PADI6: variants seen among roughly 807,000 people sequenced by gnomAD.
PADI6 encodes peptidyl arginine deiminase 6.
Under a neutral mutation model 78.2 loss-of-function variants are expected in PADI6, and 66 were observed. The observed-to-expected ratio is 0.84, with a 90% CI of 0.69 to 1.04. The LOEUF (loss-of-function observed/expected upper bound fraction) is 1.04. Ranked by LOEUF, PADI6 falls within the 50% of genes least tolerant of loss-of-function variation. The pLI is 0.00. For synonymous variants in PADI6, 397 were observed against 346.9 expected, an observed-to-expected ratio of 1.14 and a Z score of -1.60; for missense variants, 854 against 866.1, an observed-to-expected ratio of 0.99 and a Z score of 0.18.
chr1:17,396,816 A>G (rs541118163), intron 13 of PADI6, among the ~76,000 whole-genome samples: 1 of 152,348 alleles, frequency 6.6e-6, no homozygotes, highest in South Asian at 2.1e-4. Context: ...GGCACAGGCT[A>G]TTCCCCCTCA....
chr1:17,400,809 G>A (rs963660959), intron 15 of PADI6, among the ~76,000 whole-genome samples: 2 of 152,164 alleles, frequency 1.3e-5, no homozygotes, highest in African/African-American at 4.8e-5. Flanking sequence ...GATCAGCTCA[G>A]TGTGGTCCGG....
At chr1:17,385,880 A>G (rs1436263902) in intron 6 of PADI6, among the ~76,000 whole-genome samples, 6 of 152,208 alleles carry the variant, frequency 3.9e-5, no homozygotes, top group Admixed American at 3.9e-4. Context: ...GTCCAGCAGT[A>G]CATGGCAGGT....
chr1:17,380,011 C>CA (rs1220878656), intron 4 of PADI6, 24 bp downstream of exon 4: 1 of 1,611,940 alleles, frequency 6.2e-7, no homozygotes, highest in Non-Finnish European at 8.5e-7. Flanking sequence ...CAAAAGGGGG[C>CA]AGGGAAGGGG....
At chr1:17,373,866 G>T (rs530995606) in intron 2 of PADI6, among the ~76,000 whole-genome samples, 1 of 152,260 alleles carries the variant, frequency 6.6e-6, no homozygotes, top group Admixed American at 6.5e-5. Context: ...CCTAGAGTGG[G>T]ATAGACCCAG....
intron 3 of PADI6, among the ~76,000 whole-genome samples, chr1:17,375,866 C>T (rs1166115566): frequency 1.3e-5 from 2 of 152,150 alleles, no homozygotes; most frequent in Non-Finnish European, 2.9e-5. Flanking sequence ...TAGATCCTTT[C>T]TTATTCAAGA....
chr1:17,392,103 T>G lies in PADI6; in HGVS notation c.963-11T>G. ...AAAGCCTTCCCAGAACTGGCTTCTC[T>G]CCCATGGCAGGGAGCTGCAGCTGCA... On this transcript the variant is annotated splice_polypyrimidine_tract_variant and intron_variant, in intron 8 of 15. Coordinates refer to ENST00000619609, the MANE Select transcript of PADI6 (RefSeq NM_207421.4). 2 of 1,553,120 alleles carry G rather than the reference T, an allele frequency of 1.3e-6. No individual in the cohort carries two copies. Among genetic ancestry groups the G allele is most frequent in the Non-Finnish European group, 1.7e-6 (2 of 1,147,860 alleles).
chr1:17,398,967 T>C, intron 15 of PADI6, 120 bp downstream of exon 15: 1 of 1,107,318 alleles, frequency 9.0e-7, no homozygotes, highest in Non-Finnish European at 1.3e-6. Context: ...TATGAGGAAA[T>C]GGGAGGGAGA....
chr1:17,379,576 T>G (rs1472520058), intron 3 of PADI6, among the ~76,000 whole-genome samples: 1 of 152,154 alleles, frequency 6.6e-6, no homozygotes, highest in Non-Finnish European at 1.5e-5. Flanking sequence ...TTCCTATGTC[T>G]TGGAGCATAA....
At chr1:17,375,547 G>A in intron 3 of PADI6, 48 bp downstream of exon 3, 2 of 1,511,096 alleles carry the variant, frequency 1.3e-6, no homozygotes. Context: ...CACCGCTGGG[G>A]TTGGGGAAGG....
chr1:17,387,066 G>A (rs1009229590), intron 6 of PADI6, among the ~76,000 whole-genome samples: 38 of 152,168 alleles, frequency 2.5e-4, no homozygotes, highest in African/African-American at 6.0e-4. Flanking sequence ...CTGCCACATC[G>A]GGCACAGATA....
chr1:17,385,593 G>A (rs2075111918), intron 6 of PADI6, among the ~76,000 whole-genome samples: 1 of 152,148 alleles, frequency 6.6e-6, no homozygotes, highest in African/African-American at 2.4e-5. Flanking sequence ...AGGTGGTATA[G>A]AACCCAGGTT....
chr1:17,388,896 G>C lies in PADI6; in HGVS notation c.962+16G>C, dbSNP rs142592174. 1,228 of 1,600,642 alleles carry C rather than the reference G, an allele frequency of 7.7e-4. 20 individuals carry two copies. The South Asian group carries it at 0.013, about 17-fold the overall frequency. ...ACCTGTGCAGGTGAGAGACCATCAG[G>C]CTGACTGTGCCAGGCGGTTCTCATA... On this transcript the variant is annotated intron_variant, in intron 8 of 15. Coordinates refer to ENST00000619609, the MANE Select transcript of PADI6 (RefSeq NM_207421.4).
At position 17,388,835 on chromosome 1, in the gene PADI6, T is replaced by TCTTCATTCCCTGTAC. The variant is rs760210591; in HGVS notation, c.919_933dup (p.Phe307_Thr311dup). ...GTGGTGTTCCGGGTGGCTCCCTGTG[T>TCTTCATTCCCTGTAC]CTTCATTCCCTGTACCCAGGTGCCT... On this transcript the variant is annotated inframe_insertion, in exon 8 of 16. Coordinates refer to ENST00000619609, the MANE Select transcript of PADI6 (RefSeq NM_207421.4). The TCTTCATTCCCTGTAC allele has an allele frequency of 1.9e-6, 3 of 1,613,858 alleles. 1 individual carries two copies. In the South Asian group the frequency reaches 3.3e-5, roughly 18 times the overall value.
At chr1:17,391,126 C>T (rs1317957356) in intron 8 of PADI6, among the ~76,000 whole-genome samples, 10 of 152,184 alleles carry the variant, frequency 6.6e-5, no homozygotes, top group Admixed American at 3.3e-4. Context: ...GACCTGAAGC[C>T]GGACTACAGT....
At chr1:17,380,074 C>A in intron 4 of PADI6, 87 bp downstream of exon 4, 1 of 1,334,144 alleles carries the variant, frequency 7.5e-7, no homozygotes, top group Non-Finnish European at 1.1e-6. Context: ...TTCCTCGTGT[C>A]TAGCCCAATT....
At position 17,398,841 on chromosome 1, in the gene PADI6, TGA is replaced by T. The variant is rs1298457235; in HGVS notation, c.1846_1847del (p.Asp616ProfsTer47). 2 of 1,612,766 alleles carry T rather than the reference TGA, an allele frequency of 1.2e-6. No individual in the cohort carries two copies. The highest frequency in any genetic ancestry group is 1.7e-6 in the Non-Finnish European group (2 of 1,179,434). Reference sequence around the variant, plus strand: ...GGTCCTTTGCGAGGCCATACTTCCCTGACCTGGTGAGGGGCGACTGCGCATCC... The same window carrying T: ...GGTCCTTTGCGAGGCCATACTTCCCTCCTGGTGAGGGGCGACTGCGCATCC... ...KRSFARPYFP[D>X]LLRMIVMGKN... On this transcript the variant is annotated frameshift_variant, in exon 15 of 16. Transcript: ENST00000619609. LOFTEE classifies it low-confidence loss of function (END_TRUNC).
Position 17,398,682 on chromosome 1 carries a change from A to ACCCCCCC in PADI6, c.1690-3_1690-2insCCCCCCC. ...CCCCCCCCCACCCACCCACCCACCC[A>ACCCCCCC]CAGAAGTGCATTCACCTGAACCGTG... On this transcript the variant is annotated splice_polypyrimidine_tract_variant and splice_region_variant and intron_variant, in intron 14 of 15. Coordinates refer to ENST00000619609, the MANE Select transcript of PADI6 (RefSeq NM_207421.4). 8.7e-6 allele frequency: 1 copy of ACCCCCCC among 114,340 alleles called. No individual in the cohort carries two copies. Among genetic ancestry groups the ACCCCCCC allele is most frequent in the South Asian group, 1.5e-4 (1 of 6,646 alleles). 7.1% of individuals were successfully genotyped at this position (114,340 alleles called of 1,614,324 possible). A position where few individuals can be genotyped will look rare whatever the true frequency, so the allele number is the denominator to read the frequency against.
intron 5 of PADI6, 23 bp from the exon 6 acceptor site, chr1:17,381,944 C>G (rs965556589): frequency 1.2e-6 from 2 of 1,613,082 alleles, no homozygotes; most frequent in African/African-American, 2.7e-5. Context: ...CATTCCTTAA[C>G]CTTTGCTTTG....
chr1:17,373,517 GTC>G (rs1439252248), intron 2 of PADI6, among the ~76,000 whole-genome samples: 10 of 148,376 alleles, frequency 6.7e-5, no homozygotes, highest in Non-Finnish European at 1.3e-4. Context: ...TTTTTTTTGA[GTC>G]TCACGCTCAT....
Sources: allele counts gnomAD v4.1 joint callset (sites outside exome capture counted in the v4.1 genomes callset), GRCh38; gene constraint gnomAD v4.1.1; transcripts MANE v1.5; gene names NCBI Gene and HGNC (gene_info 2026-07-23, HGNC 2026-07-21).